MYH15: variants seen among roughly 807,000 people sequenced by gnomAD.
The protein encoded by MYH15 is myosin heavy chain 15, also known as myosin-15.
MYH15 carries 227 observed loss-of-function variants against 240.5 expected under a neutral mutation model. That is an observed-to-expected ratio of 0.94 (90% confidence interval 0.85 to 1.05). The LOEUF is 1.05. MYH15 is among the 50% of genes least tolerant of loss of function. The pLI, the probability that MYH15 is intolerant of heterozygous loss-of-function variation, is 0.00. For missense variants in MYH15, 2,217 were observed against 2,247.5 expected (o/e 0.99, Z 0.27); for synonymous variants, 785 against 796.7 (o/e 0.99, Z 0.25).
chr3:108,481,411 T>C (rs1333536805), intron 11 of MYH15, among the ~76,000 whole-genome samples: 1 of 152,120 alleles, frequency 6.6e-6, no homozygotes, highest in Non-Finnish European at 1.5e-5. Flanking sequence ...AAAGCTTACA[T>C]CTGGTGGAGA....
At chr3:108,413,915 T>C (rs1275594984) in intron 30 of MYH15, among the ~76,000 whole-genome samples, 1 of 152,178 alleles carries the variant, frequency 6.6e-6, no homozygotes, top group East Asian at 1.9e-4. Flanking sequence ...TTTTAAACGA[T>C]AGCCTATTTT....
At chr3:108,393,986 G>A (rs368748522) in intron 36 of MYH15, 45 bp downstream of exon 36, 173 of 1,612,078 alleles carry the variant, frequency 1.1e-4, no homozygotes, top group African/African-American at 9.9e-4. Flanking sequence ...CACTGCGCCA[G>A]TGAACTCTGG....
Position 108,500,201 on chromosome 3 carries a change from G to T in MYH15, c.413C>A (p.Ala138Asp). The T allele has an allele frequency of 6.2e-7, 1 of 1,614,062 alleles. No homozygotes were observed. Among genetic ancestry groups the T allele is most frequent in the South Asian group, 1.1e-5 (1 of 91,072 alleles). Reference protein sequence around the residue: ...WLPVYQKEVMAAYKGKRRSEA... With the variant: ...WLPVYQKEVMDAYKGKRRSEA... ...TGATCGCCTCTTCCCTTTGTAGGCG[G>T]CCATGACTTCTTTCTGATACACGGG... Residue 138 changes from alanine (A) to aspartate (D), a missense_variant, in exon 4 of 41, where the codon GCC becomes GAC. Transcript: ENST00000693548.
rs1078456 is a variant in MYH15, at chr3:108,410,739, C to T, written c.4339G>A (p.Asp1447Asn). 2,030 of 1,614,140 alleles carry T rather than the reference C, an allele frequency of 1.3e-3. 16 individuals are homozygous for T. In the African/African-American group the frequency reaches 0.019, roughly 15 times the overall value. The change falls in exon 31 of 41, where the codon GAC becomes AAC. Residue 1447 changes from aspartate to asparagine, a missense_variant. Transcript: ENST00000693548. ...KQLQSGKALADWKQKHEESQA... is the reference protein window; with the variant it reads ...KQLQSGKALANWKQKHEESQA... Reference sequence around the variant, plus strand: ...GACTCCTCGTGCTTCTGCTTCCAGTCGGCAAGGGCCTTGCCAGACTGCAGC... The same window carrying T: ...GACTCCTCGTGCTTCTGCTTCCAGTTGGCAAGGGCCTTGCCAGACTGCAGC...
intron 16 of MYH15, among the ~76,000 whole-genome samples, chr3:108,461,027 T>C (rs2083067553): frequency 6.6e-6 from 1 of 152,224 alleles, no homozygotes; most frequent in Non-Finnish European, 1.5e-5. Context: ...AATAAGTCTA[T>C]TTCCATTTTC....
At chr3:108,529,399 T>A, upstream of MYH15, 4 of 692,274 alleles carry the variant, frequency 5.8e-6, no homozygotes, top group Non-Finnish European at 7.4e-6. Context: ...AATCTGTGAA[T>A]AAAGAGGTGG....
chr3:108,428,332 A>G lies in MYH15; in HGVS notation c.3702+160T>C, dbSNP rs151194400. Among the ~76,000 whole-genome samples, 305 of 152,312 alleles carry G rather than the reference A, an allele frequency of 2.0e-3. 1 individual carries two copies. The highest frequency in any genetic ancestry group is 0.01 in the Middle Eastern group (3 of 294). On this transcript the variant is annotated intron_variant, in intron 27 of 40. Transcript: ENST00000693548. Reference sequence around the variant, plus strand: ...CTGTGTGACCTTAACAATGACCACTAAGGTCAGGCCTGATCTATTCCGTCC... The same window carrying G: ...CTGTGTGACCTTAACAATGACCACTGAGGTCAGGCCTGATCTATTCCGTCC...
Position 108,428,338 on chromosome 3 carries a change from A to G in MYH15, c.3702+154T>C, listed in dbSNP as rs113938659. Among the ~76,000 whole-genome samples the G allele has an allele frequency of 1.5e-3, 230 of 152,348 alleles. 1 individual carries two copies. Among genetic ancestry groups the G allele is most frequent in the African/African-American group, 5.4e-3 (223 of 41,580 alleles). On this transcript the variant is annotated intron_variant, in intron 27 of 40. Coordinates refer to ENST00000693548, the MANE Select transcript of MYH15 (RefSeq NM_014981.3). ...GACCTTAACAATGACCACTAAGGTC[A>G]GGCCTGATCTATTCCGTCCAAAGGA... is the stretch of plus-strand genomic sequence containing the variant.
chr3:108,438,722 C>T (rs28504978), intron 24 of MYH15, among the ~76,000 whole-genome samples: 2,602 of 152,272 alleles, frequency 0.017, 74 homozygotes, highest in African/African-American at 0.059. Context: ...TCACTAGACA[C>T]CAACTCTGCT....
At chr3:108,439,951 C>A (rs1458676347) in intron 23 of MYH15, 38 bp from the exon 24 acceptor site, 4 of 1,503,212 alleles carry the variant, frequency 2.7e-6, no homozygotes, top group Non-Finnish European at 2.7e-6. Context: ...AAAGCCACTG[C>A]TGGAAAGTTG....
At chr3:108,481,739 G>T (rs2083269562) in intron 11 of MYH15, among the ~76,000 whole-genome samples, 2 of 152,158 alleles carry the variant, frequency 1.3e-5, no homozygotes, top group African/African-American at 4.8e-5. Context: ...TAACGGTAGG[G>T]ATTAGAGAGA....
chr3:108,506,699 A>G (rs1009611384), intron 1 of MYH15, among the ~76,000 whole-genome samples: 1 of 152,180 alleles, frequency 6.6e-6, no homozygotes, highest in Admixed American at 6.5e-5. Flanking sequence ...AGCCTGGGCA[A>G]CATAGCAAGA....
intron 11 of MYH15, among the ~76,000 whole-genome samples, chr3:108,483,437 CAG>C (rs2083282640): frequency 2.0e-5 from 3 of 148,170 alleles, no homozygotes; most frequent in Non-Finnish European, 3.0e-5. Flanking sequence ...AACCAAAAAA[CAG>C]AAAACAACAA....
At chr3:108,502,721 T>C (rs1402640532) in intron 2 of MYH15, among the ~76,000 whole-genome samples, 3 of 152,186 alleles carry the variant, frequency 2.0e-5, no homozygotes, top group African/African-American at 7.2e-5. Context: ...TGTCAACTGA[T>C]TGCCCCATTT....
At chr3:108,446,772 G>A (rs949282808) in intron 21 of MYH15, among the ~76,000 whole-genome samples, 2 of 152,180 alleles carry the variant, frequency 1.3e-5, no homozygotes, top group African/African-American at 2.4e-5. Context: ...AAACATGGAG[G>A]AGGGGGGATG....
At position 108,428,597 on chromosome 3, in the gene MYH15, T is replaced by C; in HGVS notation, c.3597A>G (p.Val1199=). 5.6e-6 allele frequency: 9 copies of C among 1,614,048 alleles called. No homozygotes were observed. In the African/African-American group the frequency reaches 6.7e-5, roughly 12 times the overall value. The change falls in exon 27 of 41, where the codon GTA becomes GTG. Residue 1199 remains valine (V), a synonymous_variant. Coordinates refer to ENST00000693548, the MANE Select transcript of MYH15 (RefSeq NM_014981.3). ...TCTGCTTGACCTGCTGTAGATTTTC[T>C]ACCTGGCCCTCGAGCTCAGCCAGGC... The part of the protein sequence containing the change: ...ADSLAELEGQ[V]ENLQQVKQKL...
chr3:108,447,627 A>C (rs1182382315), intron 21 of MYH15, among the ~76,000 whole-genome samples: 1 of 152,052 alleles, frequency 6.6e-6, no homozygotes, highest in Non-Finnish European at 1.5e-5. Flanking sequence ...TGTATCCAGC[A>C]AGGCTGCCTT....
intron 28 of MYH15, among the ~76,000 whole-genome samples, chr3:108,418,759 G>GTTA (rs1171908127): frequency 6.7e-6 from 1 of 150,062 alleles, no homozygotes; most frequent in Non-Finnish European, 1.5e-5. Context: ...AGCCTCCCGT[G>GTTA]TTGTTGTTGT....
chr3:108,413,435 A>T (rs1332481086), intron 30 of MYH15, among the ~76,000 whole-genome samples: 2 of 152,202 alleles, frequency 1.3e-5, no homozygotes, highest in African/African-American at 4.8e-5. Flanking sequence ...GGTTGAAGCT[A>T]AAGAGAAATG....
Sources: allele counts gnomAD v4.1 joint callset (sites outside exome capture counted in the v4.1 genomes callset), GRCh38; gene constraint gnomAD v4.1.1; transcripts MANE v1.5; gene names NCBI Gene and HGNC (gene_info 2026-07-23, HGNC 2026-07-21).